Variants in PHF20L1 observed in about 807,000 individuals in gnomAD.
PHF20L1 encodes PHD finger protein 20-like protein 1.
In PHF20L1, 44 loss-of-function variants were observed where a neutral mutation model predicts 125.5. The ratio of observed to expected loss-of-function variants is 0.35; its 90% confidence interval spans 0.28 to 0.45. The LOEUF (loss-of-function observed/expected upper bound fraction) is 0.45, where lower values mean the gene tolerates loss of function less well. PHF20L1 is among the 20% of genes least tolerant of loss of function. The pLI is 1.00. For missense variants in PHF20L1, 1,012 were observed against 1,217.2 expected (o/e 0.83, Z 2.51); for synonymous variants, 380 against 403.1 (o/e 0.94, Z 0.69).
intron 4 of PHF20L1, among the ~76,000 whole-genome samples, chr8:132,797,908 A>G (rs1832601835): frequency 6.6e-6 from 1 of 152,074 alleles, no homozygotes; most frequent in African/African-American, 2.4e-5. Context: ...CATTGGGGAA[A>G]TGGTGGAAGA....
At chr8:132,778,416 C>T (rs1330652014) in intron 2 of PHF20L1, among the ~76,000 whole-genome samples, 1 of 152,204 alleles carries the variant, frequency 6.6e-6, no homozygotes, top group East Asian at 1.9e-4. Flanking sequence ...ACCAAAATCA[C>T]ACTTAACCTC....
Position 132,777,791 on chromosome 8 carries a change from G to C in PHF20L1, c.-37-1G>C. On this transcript the variant is annotated splice_acceptor_variant, in intron 1 of 20. Transcript: ENST00000395386. LOFTEE classifies it low-confidence loss of function (5UTR_SPLICE). Reference sequence around the variant, plus strand: ...AATCTAACTTTTTTCTTTCTCTTGAGGTAGTGAAAAGAGAATACTGAAGAA... The same window carrying C: ...AATCTAACTTTTTTCTTTCTCTTGACGTAGTGAAAAGAGAATACTGAAGAA... 7.6e-7 allele frequency: 1 copy of C among 1,312,608 alleles called. No individual in the cohort carries two copies. The highest frequency in any genetic ancestry group is 1.1e-6 in the Non-Finnish European group (1 of 907,544). 81.3% of individuals were successfully genotyped at this position (1,312,608 alleles called of 1,614,324 possible). A position where few individuals can be genotyped will look rare whatever the true frequency, so the allele number is the denominator to read the frequency against.
rs1210449318 is a variant in PHF20L1, at chr8:132,775,737, G to A, written c.-38+92G>A. 1.4e-5 allele frequency: 4 copies of A among 284,748 alleles called. No homozygotes were observed. In the East Asian group the frequency reaches 1.7e-4, roughly 12 times the overall value. 17.6% of individuals were successfully genotyped at this position (284,748 alleles called of 1,614,324 possible). ...ATTCTGGTGTCTCTCTTTCCGGCCC[G>A]CTCCCCTCCCGCCTCCCTCCCCGTA... On this transcript the variant is annotated intron_variant, in intron 1 of 20. Coordinates refer to ENST00000395386, the MANE Select transcript of PHF20L1 (RefSeq NM_016018.5).
Position 132,842,804 on chromosome 8 carries a change from G to C in PHF20L1, c.2677G>C (p.Glu893Gln), listed in dbSNP as rs1838065337. ...DDDDVSSLEE[E>Q]QEFHMRSKNS... ...TGATGATGTTAGTAGTTTGGAAGAA[G>C]AACAAGAATTCCACATGAGAAGTAA... The change falls in exon 19 of 21, where the codon GAA becomes CAA. Residue 893 changes from glutamate (E) to glutamine (Q), a missense_variant. Physicochemically the swap from Glu to Gln is conservative, Grantham distance 29. Transcript: ENST00000395386. 6.2e-7 allele frequency: 1 copy of C among 1,612,934 alleles called. No homozygotes were observed. The highest frequency in any genetic ancestry group is 8.5e-7 in the Non-Finnish European group (1 of 1,179,284).
chr8:132,816,707 A>G (rs1053325188), intron 10 of PHF20L1, 181 bp from the exon 11 acceptor site: 7 of 503,816 alleles, frequency 1.4e-5, no homozygotes, highest in Admixed American at 3.7e-5. Context: ...TGATTGACTC[A>G]TTTTGAATGA....
intron 4 of PHF20L1, among the ~76,000 whole-genome samples, chr8:132,797,860 G>A (rs1176095648): frequency 6.6e-6 from 1 of 151,894 alleles, no homozygotes; most frequent in Non-Finnish European, 1.5e-5. Flanking sequence ...CTTTTATAAA[G>A]ACCAAGTATC....
chr8:132,839,134 G>A (rs896348847), intron 17 of PHF20L1: 6 of 435,402 alleles, frequency 1.4e-5, no homozygotes, highest in Middle Eastern at 6.2e-4. Context: ...GTACACTCAA[G>A]GTTCCCTTTG....
intron 12 of PHF20L1, among the ~76,000 whole-genome samples, chr8:132,819,289 G>A (rs1277872492): frequency 1.3e-5 from 2 of 151,876 alleles, no homozygotes; most frequent in Admixed American, 1.3e-4. Context: ...ATCTGGATAT[G>A]ATGAGCTTAA....
intron 2 of PHF20L1, among the ~76,000 whole-genome samples, chr8:132,794,100 T>G (rs1832108923): frequency 6.6e-6 from 1 of 152,166 alleles, no homozygotes; most frequent in Non-Finnish European, 1.5e-5. Context: ...AATTCCAGAA[T>G]TGGAATTGTT....
intron 2 of PHF20L1, among the ~76,000 whole-genome samples, chr8:132,783,210 C>T (rs1830636817): frequency 6.6e-6 from 1 of 152,096 alleles, no homozygotes; most frequent in African/African-American, 2.4e-5. Context: ...ATTTAATTCT[C>T]TTCTAAATCT....
intron 2 of PHF20L1, among the ~76,000 whole-genome samples, chr8:132,791,711 A>G (rs1831729941): frequency 6.6e-6 from 1 of 152,190 alleles, no homozygotes; most frequent in Admixed American, 6.5e-5. Flanking sequence ...TGATTAGTGA[A>G]CATGATAAAA....
At chr8:132,795,339 G>A (rs1017401873) in intron 4 of PHF20L1, among the ~76,000 whole-genome samples, 1 of 151,934 alleles carries the variant, frequency 6.6e-6, no homozygotes, top group Non-Finnish European at 1.5e-5. Context: ...GTATCTTTTT[G>A]TGGACATGTG....
Position 132,842,564 on chromosome 8 carries a change from A to G in PHF20L1, c.2437A>G (p.Lys813Glu). 3 of 1,611,580 alleles carry G rather than the reference A, an allele frequency of 1.9e-6. No individual in the cohort carries two copies. Among genetic ancestry groups the G allele is most frequent in the Non-Finnish European group, 2.5e-6 (3 of 1,179,158 alleles). ...LHLWACSGKR[K>E]DQDQIIAGVE... ...TCTCTGGGCTTGTTCCGGGAAGCGA[A>G]AAGACCAAGATCAAATAATAGCTGG... The change falls in exon 19 of 21, where the codon AAA becomes GAA. Residue 813 changes from lysine (K) to glutamate (E), a missense_variant. Lys to Glu is a moderately conservative substitution (Grantham distance 56). Around this residue, in one of 7 missense-constraint regions of PHF20L1, gnomAD observed 277 missense variants for 283.6 expected, o/e 0.98. Coordinates refer to ENST00000395386, the MANE Select transcript of PHF20L1 (RefSeq NM_016018.5).
intron 2 of PHF20L1, among the ~76,000 whole-genome samples, chr8:132,792,221 A>G (rs1831803787): frequency 6.6e-6 from 1 of 152,210 alleles, no homozygotes; most frequent in Non-Finnish European, 1.5e-5. Context: ...TTTACAATTG[A>G]TAGAATATCT....
chr8:132,813,910 A>T (rs1040312178), intron 9 of PHF20L1, among the ~76,000 whole-genome samples: 6 of 151,474 alleles, frequency 4.0e-5, no homozygotes, highest in Non-Finnish European at 1.5e-5. Flanking sequence ...GAAGGTAAAA[A>T]CTCTCATCTA....
intron 2 of PHF20L1, 34 bp from the exon 3 acceptor site, chr8:132,794,376 T>G: frequency 7.3e-7 from 1 of 1,370,596 alleles, no homozygotes; most frequent in Non-Finnish European, 1.0e-6. Context: ...AATATAAGGA[T>G]TTTCTCTTTA....
intron 2 of PHF20L1, among the ~76,000 whole-genome samples, chr8:132,779,311 G>A (rs1214716743): frequency 6.6e-6 from 1 of 152,134 alleles, no homozygotes; most frequent in Non-Finnish European, 1.5e-5. Context: ...CTGGAATGAG[G>A]GTGGGTGGCG....
At chr8:132,778,377 C>T (rs1645887291) in intron 2 of PHF20L1, among the ~76,000 whole-genome samples, 2 of 152,156 alleles carry the variant, frequency 1.3e-5, no homozygotes, top group South Asian at 4.1e-4. Flanking sequence ...CTTTCAAAAA[C>T]ATCTCCACTA....
At chr8:132,821,289 T>G (rs1835568939) in intron 12 of PHF20L1, among the ~76,000 whole-genome samples, 1 of 152,022 alleles carries the variant, frequency 6.6e-6, no homozygotes, top group South Asian at 2.1e-4. Flanking sequence ...TAGTGAATAT[T>G]CTGTAGAGTG....
Sources: gnomAD v4.1 joint callset for allele counts (sites outside exome capture counted in the v4.1 genomes callset) on GRCh38, gnomAD v4.1.1 for gene constraint, gnomAD v4.1.1 regional missense constraint, MANE v1.5 for transcripts, NCBI Gene and HGNC (gene_info 2026-07-23, HGNC 2026-07-21) for gene names.